MKLN1: variants seen among roughly 807,000 people sequenced by gnomAD.
MKLN1 encodes the protein muskelin.
In MKLN1, 18 loss-of-function variants were observed where a neutral mutation model predicts 99.0. That is an observed-to-expected ratio of 0.18 (90% confidence interval 0.13 to 0.27). MKLN1 has a LOEUF of 0.27. MKLN1 is among the 10% of genes least tolerant of loss of function. MKLN1 has a pLI of 1.00. For missense variants in MKLN1, 621 were observed against 875.9 expected (o/e 0.71, Z 3.67); for synonymous variants, 288 against 293.2 (o/e 0.98, Z 0.18).
intron 3 of MKLN1, among the ~76,000 whole-genome samples, chr7:131,235,615 G>A (rs1304305564): frequency 1.3e-5 from 2 of 152,150 alleles, no homozygotes; most frequent in African/African-American, 4.8e-5. Context: ...AAATTCTCCA[G>A]GCGTAGGAGC....
chr7:131,477,757 C>G (rs1013278743), intron 16 of MKLN1, among the ~76,000 whole-genome samples: 3 of 152,180 alleles, frequency 2.0e-5, no homozygotes, highest in African/African-American at 7.2e-5. Context: ...TTAAAGGCTG[C>G]AAGCATAGAT....
chr7:131,484,887 A>G (rs1007601218), intron 17 of MKLN1, among the ~76,000 whole-genome samples: 1 of 152,050 alleles, frequency 6.6e-6, no homozygotes, highest in African/African-American at 2.4e-5. Context: ...GGAAGAAAGG[A>G]GATATGGAAT....
intron 12 of MKLN1, among the ~76,000 whole-genome samples, chr7:131,450,007 A>G (rs2116542619): frequency 6.6e-6 from 1 of 152,256 alleles, no homozygotes; most frequent in Admixed American, 6.5e-5. Flanking sequence ...GAGGATGTTA[A>G]TACTGCTACC....
chr7:131,188,331 C>T (rs1796482981), intron 2 of MKLN1, among the ~76,000 whole-genome samples: 1 of 152,226 alleles, frequency 6.6e-6, no homozygotes, highest in South Asian at 2.1e-4. Flanking sequence ...ATAACAGCTA[C>T]CATTTACTAT....
At chr7:131,341,278 C>T (rs934351192) in intron 1 of MKLN1, among the ~76,000 whole-genome samples, 8 of 151,836 alleles carry the variant, frequency 5.3e-5, no homozygotes, top group African/African-American at 1.7e-4. Flanking sequence ...CAGATGTGAC[C>T]GTCATTGCAG....
intron 1 of MKLN1, among the ~76,000 whole-genome samples, chr7:131,117,759 C>A (rs1282544545): frequency 6.6e-6 from 1 of 151,902 alleles, no homozygotes; most frequent in Non-Finnish European, 1.5e-5. Flanking sequence ...TCATGGTTGC[C>A]CAGATTAAGG....
chr7:131,271,779 C>T (rs945562416), intron 3 of MKLN1, among the ~76,000 whole-genome samples: 3 of 150,710 alleles, frequency 2.0e-5, no homozygotes, highest in African/African-American at 4.9e-5. Flanking sequence ...TGTGGTGGTG[C>T]GCACCTGCTG....
At chr7:131,388,366 T>G (rs1794093352) in intron 3 of MKLN1, among the ~76,000 whole-genome samples, 1 of 152,206 alleles carries the variant, frequency 6.6e-6, no homozygotes, top group Admixed American at 6.5e-5. Context: ...GTGATATCCA[T>G]TTATTTTTAT....
intron 1 of MKLN1, among the ~76,000 whole-genome samples, chr7:131,366,371 T>C (rs1800181013): frequency 6.6e-6 from 1 of 152,178 alleles, no homozygotes; most frequent in Non-Finnish European, 1.5e-5. Context: ...ATATAAAAAT[T>C]AGAGGTGGCT....
Position 131,231,559 on chromosome 7 carries a change from A to C in MKLN1, c.-179+28585A>C, listed in dbSNP as rs556927619. On this transcript the variant is annotated intron_variant, in intron 3 of 7. Coordinates refer to the MKLN1 transcript ENST00000416992. Reference sequence around the variant, plus strand: ...GCCAGGAAACAGCTGGAGTGGTTTGAACTCTCTGCAGGAGGATGGATGCGT... The same window carrying C: ...GCCAGGAAACAGCTGGAGTGGTTTGCACTCTCTGCAGGAGGATGGATGCGT... Among the ~76,000 whole-genome samples the C allele has an allele frequency of 2.0e-5, 3 of 152,276 alleles. No individual in the cohort carries two copies. The East Asian group carries it at 5.8e-4, about 29-fold the overall frequency.
At chr7:131,346,041 GACCT>G (rs1799549998) in intron 1 of MKLN1, among the ~76,000 whole-genome samples, 1 of 152,076 alleles carries the variant, frequency 6.6e-6, no homozygotes. Context: ...AAAAATGAAA[GACCT>G]TCCAGCCTAT....
At chr7:131,247,228 C>CTTTTTTTTTTTT (rs1274190670) in intron 3 of MKLN1, among the ~76,000 whole-genome samples, 1 of 97,466 alleles carries the variant, frequency 1.0e-5, no homozygotes, top group African/African-American at 3.1e-5. Flanking sequence ...TCTTCTTTTT[C>CTTTTTTTTTTTT]TTTTTTCTTT....
chr7:131,364,361 T>TA (rs1168686473), intron 1 of MKLN1, among the ~76,000 whole-genome samples: 2 of 152,124 alleles, frequency 1.3e-5, no homozygotes, highest in African/African-American at 2.4e-5. Context: ...TAGATAAAGA[T>TA]ATTTCTCGAA....
intron 2 of MKLN1, among the ~76,000 whole-genome samples, chr7:131,180,437 G>A (rs531920165): frequency 4.6e-5 from 7 of 152,256 alleles, no homozygotes; most frequent in African/African-American, 1.7e-4. Flanking sequence ...AGTGGCTCAC[G>A]CCTGTAATCC....
At chr7:131,249,428 A>G (rs897483756) in intron 3 of MKLN1, among the ~76,000 whole-genome samples, 1 of 152,198 alleles carries the variant, frequency 6.6e-6, no homozygotes, top group Non-Finnish European at 1.5e-5. Context: ...CTGGTAAAGG[A>G]TGTACTTATA....
At chr7:131,339,596 G>A (rs981358198) in intron 1 of MKLN1, among the ~76,000 whole-genome samples, 3 of 151,974 alleles carry the variant, frequency 2.0e-5, no homozygotes, top group African/African-American at 7.3e-5. Context: ...CTGTTTGGGA[G>A]GCTGAGGCAC....
intron 3 of MKLN1, among the ~76,000 whole-genome samples, chr7:131,283,166 T>C (rs1489110421): frequency 2.0e-5 from 3 of 152,208 alleles, no homozygotes; most frequent in Admixed American, 6.5e-5. Flanking sequence ...ACTGAGAATC[T>C]AAGAATCTCA....
chr7:131,203,195 T>C (rs145500026), intron 3 of MKLN1, among the ~76,000 whole-genome samples: 2 of 152,356 alleles, frequency 1.3e-5, no homozygotes, highest in African/African-American at 4.8e-5. Context: ...CACTGTATTT[T>C]TAGGCAGGAG....
intron 16 of MKLN1, among the ~76,000 whole-genome samples, chr7:131,475,033 G>A (rs1210139128): frequency 6.6e-6 from 1 of 152,048 alleles, no homozygotes; most frequent in Admixed American, 6.6e-5. Flanking sequence ...ACAGCAAGGG[G>A]GAAATTGGCC....
Sources: allele counts gnomAD v4.1 joint callset (sites outside exome capture counted in the v4.1 genomes callset), GRCh38; gene constraint gnomAD v4.1.1; transcripts MANE v1.5; gene names NCBI Gene and HGNC (gene_info 2026-07-23, HGNC 2026-07-21).